Variants in ANO4 observed in about 807,000 individuals in gnomAD.
ANO4 encodes the protein anoctamin 4.
Under a neutral mutation model 141.9 loss-of-function variants are expected in ANO4, and 69 were observed. The observed-to-expected ratio is 0.49, with a 90% CI of 0.40 to 0.59. The LOEUF is 0.59. Among genes scored for constraint, ANO4 ranks in the 20% least tolerant of loss-of-function variants. The pLI is 0.00. For missense variants in ANO4, 894 were observed against 1,162.2 expected (o/e 0.77, Z 3.36); for synonymous variants, 350 against 394.3 (o/e 0.89, Z 1.33).
At chr12:100,903,800 C>A (rs544359590) in intron 2 of ANO4, among the ~76,000 whole-genome samples, 1 of 152,316 alleles carries the variant, frequency 6.6e-6, no homozygotes, top group African/African-American at 2.4e-5. Context: ...AGTCAACTGA[C>A]TATGAACTTT....
intron 7 of ANO4, among the ~76,000 whole-genome samples, chr12:100,977,943 T>C (rs2044279321): frequency 6.6e-6 from 1 of 152,248 alleles, no homozygotes; most frequent in Non-Finnish European, 1.5e-5. Flanking sequence ...TTATGTGCTT[T>C]TGCGTATAGT....
intron 8 of ANO4, among the ~76,000 whole-genome samples, chr12:100,994,867 C>T (rs901901343): frequency 6.6e-6 from 1 of 152,064 alleles, no homozygotes; most frequent in Non-Finnish European, 1.5e-5. Context: ...CAGCAGTTGT[C>T]AGTGAGGGGT....
At chr12:100,835,932 A>G (rs1475169849) in intron 1 of ANO4, among the ~76,000 whole-genome samples, 1 of 152,152 alleles carries the variant, frequency 6.6e-6, no homozygotes, top group Admixed American at 6.6e-5. Flanking sequence ...GTGCTACATG[A>G]ATCAACAAAG....
At chr12:100,914,154 G>C (rs574199782) in intron 2 of ANO4, among the ~76,000 whole-genome samples, 1 of 152,282 alleles carries the variant, frequency 6.6e-6, no homozygotes, top group East Asian at 1.9e-4. Context: ...GCCCTCTAGG[G>C]AACTTTTAGT....
At chr12:100,834,197 A>C (rs1342220912) in intron 1 of ANO4, among the ~76,000 whole-genome samples, 3 of 152,118 alleles carry the variant, frequency 2.0e-5, no homozygotes, top group Non-Finnish European at 4.4e-5. Flanking sequence ...TGTTGTGGCA[A>C]TTGCTTAGGG....
intron 14 of ANO4, among the ~76,000 whole-genome samples, 177 bp from the exon 15 acceptor site, chr12:101,079,016 A>G (rs2049136473): frequency 6.6e-6 from 1 of 152,198 alleles, no homozygotes; most frequent in African/African-American, 2.4e-5. Flanking sequence ...ACACAAGCTT[A>G]GTAATTCTCA....
intron 5 of ANO4, among the ~76,000 whole-genome samples, chr12:100,960,511 G>A (rs773145346): frequency 6.6e-6 from 1 of 151,842 alleles, no homozygotes; most frequent in Non-Finnish European, 1.5e-5. Flanking sequence ...ACAGACTGAG[G>A]AGGGATGTCA....
At chr12:100,980,851 C>T (rs1385237220) in intron 7 of ANO4, among the ~76,000 whole-genome samples, 1 of 151,976 alleles carries the variant, frequency 6.6e-6, no homozygotes, top group Non-Finnish European at 1.5e-5. Context: ...TATAAATTGC[C>T]TATCCAATAA....
At chr12:100,908,781 C>T (rs1256322224) in intron 2 of ANO4, among the ~76,000 whole-genome samples, 3 of 152,108 alleles carry the variant, frequency 2.0e-5, no homozygotes, top group African/African-American at 7.2e-5. Flanking sequence ...AATCCCTGTT[C>T]CCGAAGTGTT....
chr12:100,912,229 T>C (rs1006549800), intron 2 of ANO4, among the ~76,000 whole-genome samples: 8 of 151,736 alleles, frequency 5.3e-5, no homozygotes, highest in African/African-American at 1.9e-4. Flanking sequence ...AATCCGTCTC[T>C]ACTAAAAATA....
chr12:100,724,706 CTA>C (rs2031027850), intron 1 of ANO4, among the ~76,000 whole-genome samples: 1 of 152,130 alleles, frequency 6.6e-6, no homozygotes, highest in African/African-American at 2.4e-5. Context: ...CCTGTGTCTA[CTA>C]TATGTTTTTT....
At chr12:100,844,483 G>T (rs1279109543) in intron 1 of ANO4, among the ~76,000 whole-genome samples, 4 of 152,088 alleles carry the variant, frequency 2.6e-5, no homozygotes, top group Non-Finnish European at 5.9e-5. Flanking sequence ...GGAGAAAAAG[G>T]GTGGTGGATT....
At chr12:101,077,319 C>G (rs1305624426) in intron 14 of ANO4, among the ~76,000 whole-genome samples, 1 of 152,140 alleles carries the variant, frequency 6.6e-6, no homozygotes, top group African/African-American at 2.4e-5. Context: ...CTCCATGCAC[C>G]TTTTCCCTTT....
At position 100,771,398 on chromosome 12, in the gene ANO4, A is replaced by C. The variant is rs76575146; in HGVS notation, c.358+31293A>C. 7.9e-3 allele frequency among the ~76,000 whole-genome samples: 1,208 copies of C among 152,326 alleles called. 9 individuals are homozygous for C. The highest frequency in any genetic ancestry group is 0.013 in the Non-Finnish European group (890 of 68,028). On this transcript the variant is annotated intron_variant, in intron 3 of 29. Transcript: ENST00000644049. ...GTCAGGGTAGCTGATTAAGTTAACA[A>C]GCCAAAATGAAAGCAACAGTCAAGC...
intron 1 of ANO4, among the ~76,000 whole-genome samples, chr12:100,869,266 A>G (rs1369837293): frequency 6.6e-6 from 1 of 152,204 alleles, no homozygotes; most frequent in African/African-American, 2.4e-5. Flanking sequence ...GGTTCTATAA[A>G]TCTTATGAAA....
chr12:100,956,003 C>T (rs892273529), intron 5 of ANO4, among the ~76,000 whole-genome samples: 6 of 152,176 alleles, frequency 3.9e-5, no homozygotes, highest in African/African-American at 1.2e-4. Flanking sequence ...TTGACTTTCA[C>T]ATTATATATG....
chr12:100,977,080 G>A (rs2044230603), intron 7 of ANO4, among the ~76,000 whole-genome samples: 1 of 152,092 alleles, frequency 6.6e-6, no homozygotes, highest in South Asian at 2.1e-4. Context: ...CCCCTGTATG[G>A]TTTATGTGAG....
chr12:101,115,107 T>C (rs2050803203), intron 24 of ANO4, among the ~76,000 whole-genome samples: 4 of 152,206 alleles, frequency 2.6e-5, no homozygotes, highest in Admixed American at 2.6e-4. Context: ...AATCTGAAGA[T>C]CATGATTTAT....
At chr12:100,995,390 T>A (rs1225015568) in intron 8 of ANO4, among the ~76,000 whole-genome samples, 1 of 152,040 alleles carries the variant, frequency 6.6e-6, no homozygotes, top group Non-Finnish European at 1.5e-5. Flanking sequence ...ACAACAATAG[T>A]GATGAGTTAG....
Sources: allele counts gnomAD v4.1 joint callset (sites outside exome capture counted in the v4.1 genomes callset), GRCh38; gene constraint gnomAD v4.1.1; transcripts MANE v1.5; gene names NCBI Gene and HGNC (gene_info 2026-07-23, HGNC 2026-07-21).